Variants in SH2D1A observed in about 807,000 individuals in gnomAD.
SH2D1A encodes SH2 domain-containing protein 1A.
A neutral mutation model predicts 10.1 loss-of-function variants in SH2D1A; 6 were observed. The observed-to-expected ratio is 0.60, with a 90% CI of 0.33 to 1.18. The LOEUF is 1.18. Among genes scored for constraint, SH2D1A ranks in the 50% most tolerant of loss-of-function variants. The probability of loss-of-function intolerance (pLI) is 0.04; values close to 1 mark genes in which losing one functional copy is unlikely to be tolerated. For missense variants in SH2D1A, 51 were observed against 97.6 expected (o/e 0.52, Z 2.01); for synonymous variants, 42 against 36.9 (o/e 1.14, Z -0.51).
chrX:124,368,857 T>C (rs765049057), intron 2 of SH2D1A, among the ~76,000 whole-genome samples: 3 of 112,123 alleles, frequency 2.7e-5, no homozygotes, highest in African/African-American at 9.7e-5. Flanking sequence ...GACTCTATCT[T>C]GGAACCAACG....
intron 1 of SH2D1A, among the ~76,000 whole-genome samples, chrX:124,361,364 G>T (rs2060039851): frequency 8.9e-6 from 1 of 111,980 alleles, no homozygotes; most frequent in Non-Finnish European, 1.9e-5. Context: ...AGAATTGTGA[G>T]AAATAAATTT....
At chrX:124,354,618 T>C (rs1294099214) in intron 1 of SH2D1A, among the ~76,000 whole-genome samples, 1 of 111,688 alleles carries the variant, frequency 9.0e-6, no homozygotes, top group Non-Finnish European at 1.9e-5. Flanking sequence ...TCAGGTTTCT[T>C]ACCTGTAAAA....
chrX:124,367,171 T>C (rs747527775), intron 2 of SH2D1A, among the ~76,000 whole-genome samples: 1 of 112,324 alleles, frequency 8.9e-6, no homozygotes, highest in Non-Finnish European at 1.9e-5. Context: ...GTTGTTTATG[T>C]AATAATATTG....
Position 124,370,193 on chromosome X carries a change from T to C in SH2D1A, c.219T>C (p.His73=), listed in dbSNP as rs954824608. 2.0e-5 allele frequency: 24 copies of C among 1,204,645 alleles called. No homozygotes were observed. The highest frequency in any genetic ancestry group is 2.7e-5 in the Non-Finnish European group (24 of 888,992). ...TTTTCCAGACAGCACCTGGGGTACATAAAAGATATTTCCGGAAAATAAAAA... is the reference window on the plus strand; with the variant it reads ...TTTTCCAGACAGCACCTGGGGTACACAAAAGATATTTCCGGAAAATAAAAA... ...SWSAETAPGV[H]KRYFRKIKNL... Residue 73 remains histidine (H), a synonymous_variant, in exon 3 of 4, where the codon CAT becomes CAC. Coordinates refer to ENST00000371139, the MANE Select transcript of SH2D1A (RefSeq NM_002351.5).
intron 1 of SH2D1A, among the ~76,000 whole-genome samples, chrX:124,357,374 TTATC>T (rs1168487984): frequency 8.9e-6 from 1 of 112,412 alleles, no homozygotes; most frequent in African/African-American, 3.2e-5. Flanking sequence ...CATATTTTCT[TTATC>T]CATTCATCTG....
intron 1 of SH2D1A, among the ~76,000 whole-genome samples, chrX:124,364,777 T>G (rs770875458): frequency 1.5e-4 from 17 of 111,254 alleles, no homozygotes; most frequent in Non-Finnish European, 2.8e-4. Context: ...TATTTTAAAA[T>G]AAATTTAGTG....
At chrX:124,355,354 A>T (rs1291818580) in intron 1 of SH2D1A, among the ~76,000 whole-genome samples, 1 of 112,143 alleles carries the variant, frequency 8.9e-6, no homozygotes, top group Admixed American at 9.5e-5. Flanking sequence ...ACAACTTTTG[A>T]TGAAATAAAG....
chrX:124,353,810 T>C (rs1206969858), intron 1 of SH2D1A, among the ~76,000 whole-genome samples: 1 of 112,382 alleles, frequency 8.9e-6, no homozygotes, highest in Non-Finnish European at 1.9e-5. Flanking sequence ...AATGAAGTCA[T>C]TTGACATGTA....
chrX:124,366,567 A>G (rs757520974), intron 2 of SH2D1A, among the ~76,000 whole-genome samples: 1 of 111,445 alleles, frequency 9.0e-6, no homozygotes, highest in Non-Finnish European at 1.9e-5. Context: ...AATTTTCTGA[A>G]GTCTAGACTT....
chrX:124,353,939 A>G (rs1346691006), intron 1 of SH2D1A, among the ~76,000 whole-genome samples: 2 of 112,511 alleles, frequency 1.8e-5, no homozygotes, highest in Non-Finnish European at 3.8e-5. Context: ...GTGATGAAAT[A>G]AAATTCCAGT....
At chrX:124,360,325 G>A (rs1208835033) in intron 1 of SH2D1A, among the ~76,000 whole-genome samples, 4 of 107,076 alleles carry the variant, frequency 3.7e-5, no homozygotes, top group Non-Finnish European at 7.7e-5. Context: ...GTCCTGGCTA[G>A]GTGTGGTGGC....
chrX:124,347,819 T>A (rs749186086), intron 1 of SH2D1A, among the ~76,000 whole-genome samples: 2 of 111,240 alleles, frequency 1.8e-5, no homozygotes, highest in East Asian at 5.6e-4. Context: ...TTCAGTTGAT[T>A]TCTTTTAGGA....
At chrX:124,361,450 G>A (rs1238089304) in intron 1 of SH2D1A, among the ~76,000 whole-genome samples, 1 of 112,157 alleles carries the variant, frequency 8.9e-6, no homozygotes, top group Non-Finnish European at 1.9e-5. Context: ...TTGGTACTGA[G>A]AGGAGGAGTA....
chrX:124,353,196 G>T, intron 1 of SH2D1A: 1 of 154,272 alleles, frequency 6.5e-6, no homozygotes, highest in Non-Finnish European at 1.4e-5. Context: ...AACTAAGAAT[G>T]AATTGTCATC....
intron 1 of SH2D1A, among the ~76,000 whole-genome samples, chrX:124,352,609 A>G (rs907100996): frequency 2.7e-5 from 3 of 111,853 alleles, no homozygotes; most frequent in African/African-American, 9.7e-5. Context: ...ACAGGATTTC[A>G]TTCTTTTTAA....
In SH2D1A at chrX:124,371,898, C is replaced by G. The variant is rs1437496468; in HGVS notation, c.*507C>G. On this transcript the variant is annotated 3_prime_UTR_variant, in exon 4 of 4. Coordinates refer to ENST00000371139, the MANE Select transcript of SH2D1A (RefSeq NM_002351.5). ...TGTATACTGTGTGCTAAAACAAGCA[C>G]TAAACAAAGAGTGAAGGATTTATGT... The G allele has an allele frequency of 1.3e-5, 2 of 156,692 alleles. No homozygotes were observed. The highest frequency in any genetic ancestry group is 2.5e-5 in the Non-Finnish European group (2 of 80,812). The allele number at this position is 156,692 out of a possible 1,213,427, so 12.9% of individuals were successfully genotyped here.
chrX:124,366,535 A>G (rs766000152), intron 2 of SH2D1A, among the ~76,000 whole-genome samples: 2 of 111,726 alleles, frequency 1.8e-5, no homozygotes, highest in South Asian at 7.6e-4. Flanking sequence ...ACTCCTATTA[A>G]TAACTCAATC....
chrX:124,347,356 G>C (rs998606335), intron 1 of SH2D1A, among the ~76,000 whole-genome samples: 1 of 110,668 alleles, frequency 9.0e-6, no homozygotes, highest in Non-Finnish European at 1.9e-5. Context: ...AAAAGTAGTG[G>C]GGGGTGGGGA....
rs753209290 is a variant in SH2D1A at position 124,373,039 on chromosome X, C to G, written c.*1648C>G. 1 of 156,185 alleles carries G rather than the reference C, an allele frequency of 6.4e-6. No homozygotes were observed. Among genetic ancestry groups the G allele is most frequent in the Admixed American group, 8.3e-5 (1 of 12,017 alleles). The allele number at this position is 156,185 out of a possible 1,213,427, so 12.9% of individuals were successfully genotyped here. ...TATAATGTGTTCATTCTGGAATAAT[C>G]CTAAACATATGAATTATGTTTGCAT... On this transcript the variant is annotated 3_prime_UTR_variant, in exon 4 of 4. Coordinates refer to ENST00000371139, the MANE Select transcript of SH2D1A (RefSeq NM_002351.5).
Sources: allele counts gnomAD v4.1 joint callset (sites outside exome capture counted in the v4.1 genomes callset), GRCh38; gene constraint gnomAD v4.1.1; transcripts MANE v1.5; gene names NCBI Gene and HGNC (gene_info 2026-07-23, HGNC 2026-07-21).